The following GFPT1 variants were observed in gnomAD, a reference collection of about 807,000 sequenced individuals.
GFPT1 encodes the protein glutamine--fructose-6-phosphate aminotransferase [isomerizing] 1.
A neutral mutation model predicts 92.0 loss-of-function variants in GFPT1; 40 were observed. The ratio of observed to expected loss-of-function variants is 0.43; its 90% CI spans 0.34 to 0.57. The LOEUF is 0.57. Among genes scored for constraint, GFPT1 ranks in the 20% least tolerant of loss-of-function variants. GFPT1 has a pLI of 0.02. For missense variants in GFPT1, 448 were observed against 869.1 expected, an observed-to-expected ratio of 0.52 and a Z score of 6.09; for synonymous variants, 269 against 280.6, an observed-to-expected ratio of 0.96 and a Z score of 0.41.
chr2:69,349,104 T>C (rs1332736348), intron 10 of GFPT1, among the ~76,000 whole-genome samples: 12 of 152,254 alleles, frequency 7.9e-5, no homozygotes, highest in Non-Finnish European at 1.8e-4. Flanking sequence ...TAAATCACTC[T>C]GTTACTAGCA....
intron 12 of GFPT1, among the ~76,000 whole-genome samples, chr2:69,345,533 TA>T (rs1171226635): frequency 6.6e-6 from 1 of 152,240 alleles, no homozygotes; most frequent in East Asian, 1.9e-4. Context: ...TAACTATGTT[TA>T]AATGTACAAT....
intron 15 of GFPT1, chr2:69,334,734 A>C (rs1036813148): frequency 6.6e-6 from 1 of 152,228 alleles, no homozygotes; most frequent in Non-Finnish European, 1.5e-5. Flanking sequence ...AGCTAGACAC[A>C]CAAGACGTGT....
chr2:69,330,960 CCT>C (rs1265562813), intron 15 of GFPT1, among the ~76,000 whole-genome samples: 2 of 152,076 alleles, frequency 1.3e-5, no homozygotes, highest in African/African-American at 2.4e-5. Context: ...CTGTATAATC[CCT>C]GACACACAGG....
At chr2:69,334,991 C>A (rs1670757548) in intron 15 of GFPT1, among the ~76,000 whole-genome samples, 1 of 151,936 alleles carries the variant, frequency 6.6e-6, no homozygotes, top group Non-Finnish European at 1.5e-5. Flanking sequence ...GGTGGGTATA[C>A]CAATGCTAAT....
chr2:69,341,755 A>G (rs1316259696), intron 13 of GFPT1, among the ~76,000 whole-genome samples: 2 of 152,170 alleles, frequency 1.3e-5, no homozygotes, highest in Non-Finnish European at 2.9e-5. Context: ...TGTGCCCACA[A>G]AGTAAAATTG....
intron 3 of GFPT1, among the ~76,000 whole-genome samples, chr2:69,366,406 G>A (rs974637292): frequency 5.9e-5 from 9 of 152,050 alleles, no homozygotes; most frequent in African/African-American, 2.2e-4. Context: ...CCATTTTAAA[G>A]CCCTTTGCTG....
At chr2:69,329,561 G>A (rs1670610733) in intron 16 of GFPT1, 123 bp downstream of exon 16, 1 of 948,188 alleles carries the variant, frequency 1.1e-6, no homozygotes, top group Non-Finnish European at 1.7e-6. Context: ...TAATACATCG[G>A]AGCAAACGTA....
At position 69,359,279 on chromosome 2, in the gene GFPT1, T is replaced by C. The variant is rs1309007829; in HGVS notation, c.397A>G (p.Lys133Glu). 1 of 1,573,832 alleles carries C rather than the reference T, an allele frequency of 6.4e-7. No individual in the cohort carries two copies. The change falls in exon 5 of 20, where the codon AAA (lysine) becomes GAA (glutamate). Residue 133 changes from lysine (K) to glutamate (E), a missense_variant. This residue lies in a region of GFPT1 where 118 missense variants were observed against 192.9 expected (regional missense o/e 0.61). Transcript: ENST00000357308. Reference protein sequence around the residue: ...NGIITNYKDLKKFLESKGYDF... With the variant: ...NGIITNYKDLEKFLESKGYDF... ...GTCACCTTACTTACCAAAAACTTTT[T>C]CAAGTCTTTGTAGTTGGTGATGATT... is the stretch of plus-strand genomic sequence containing the variant.
chr2:69,368,052 C>T (rs1479981300), intron 3 of GFPT1, among the ~76,000 whole-genome samples: 1 of 152,124 alleles, frequency 6.6e-6, no homozygotes, highest in African/African-American at 2.4e-5. Context: ...AGTTCAAGAC[C>T]AGCCTGGCCA....
intron 1 of GFPT1, among the ~76,000 whole-genome samples, chr2:69,384,690 T>C (rs1448170050): frequency 6.2e-5 from 2 of 32,206 alleles, no homozygotes; most frequent in African/African-American, 2.3e-4. Context: ...AGAGGCCCCG[T>C]CACAAAAAAA....
intron 3 of GFPT1, among the ~76,000 whole-genome samples, chr2:69,364,033 T>C (rs553070205): frequency 4.0e-4 from 61 of 151,092 alleles, no homozygotes; most frequent in Admixed American, 4.0e-3. Flanking sequence ...GATATTCGCC[T>C]GAACCCAGGA....
chr2:69,372,802 A>C (rs1671783191), intron 2 of GFPT1, among the ~76,000 whole-genome samples: 1 of 152,198 alleles, frequency 6.6e-6, no homozygotes, highest in Non-Finnish European at 1.5e-5. Flanking sequence ...TGGCAATGTT[A>C]AGTGTACAAA....
chr2:69,326,532 T>C (rs1229497182), intron 19 of GFPT1, among the ~76,000 whole-genome samples: 1 of 152,176 alleles, frequency 6.6e-6, no homozygotes, highest in Non-Finnish European at 1.5e-5. Flanking sequence ...ACAAAAGCAC[T>C]ATGTTTTGGT....
rs867480903 is a variant in GFPT1, at chr2:69,358,276, A to G, written c.543+53T>C. 82 of 1,499,912 alleles carry G rather than the reference A, an allele frequency of 5.5e-5. 1 individual carries two copies. In the Middle Eastern group the frequency reaches 9.3e-3, roughly 169 times the overall value. The allele number at this position is 1,499,912 out of a possible 1,614,324, so 92.9% of individuals were successfully genotyped here. On this transcript the variant is annotated intron_variant, in intron 6 of 19. Coordinates refer to ENST00000357308, the MANE Select transcript of GFPT1 (RefSeq NM_001244710.2). ...TGCTTATCAAACTTAATTTCCAGAAAGTTTCTCAGCATTAATGTTGGCATA... is the reference window on the plus strand; with the variant it reads ...TGCTTATCAAACTTAATTTCCAGAAGGTTTCTCAGCATTAATGTTGGCATA...
chr2:69,332,302 T>C (rs1309080313), intron 15 of GFPT1, among the ~76,000 whole-genome samples: 1 of 150,904 alleles, frequency 6.6e-6, no homozygotes, highest in African/African-American at 2.4e-5. Context: ...TTCTAGTCTT[T>C]CTTTTCTTTT....
At chr2:69,374,602 T>G (rs1443175327) in intron 1 of GFPT1, among the ~76,000 whole-genome samples, 1 of 152,174 alleles carries the variant, frequency 6.6e-6, no homozygotes, top group African/African-American at 2.4e-5. Flanking sequence ...TGTGAGCCAC[T>G]GCACCTGGCA....
intron 17 of GFPT1, among the ~76,000 whole-genome samples, chr2:69,328,849 C>A (rs1461362743): frequency 1.3e-5 from 2 of 151,946 alleles, no homozygotes; most frequent in Admixed American, 1.3e-4. Flanking sequence ...TATAGTCATG[C>A]ATTACCACAT....
intron 4 of GFPT1, among the ~76,000 whole-genome samples, chr2:69,360,328 CAA>C (rs576395697): frequency 1.1e-4 from 9 of 78,432 alleles, no homozygotes; most frequent in Middle Eastern, 5.6e-3. Flanking sequence ...GATTCTGTCT[CAA>C]AAAAAAAAAA....
At chr2:69,344,186 C>CAAAAAAAA (rs10602884) in intron 12 of GFPT1, among the ~76,000 whole-genome samples, 4 of 64,516 alleles carry the variant, frequency 6.2e-5, no homozygotes, top group East Asian at 5.3e-4. Context: ...AAAAGCAAAG[C>CAAAAAAAA]AAAAAAAAAA....
Sources: allele counts gnomAD v4.1 joint callset (sites outside exome capture counted in the v4.1 genomes callset), GRCh38; gene constraint gnomAD v4.1.1; regional missense constraint gnomAD v4.1.1; transcripts MANE v1.5; gene names NCBI Gene and HGNC (gene_info 2026-07-23, HGNC 2026-07-21).